The following GTF2F2 variants were observed in gnomAD, a reference collection of about 807,000 sequenced individuals.
GTF2F2 encodes the protein general transcription factor IIF subunit 2.
In GTF2F2, 23 loss-of-function variants were observed where a neutral mutation model predicts 42.2. The observed-to-expected ratio is 0.55, with a 90% CI of 0.39 to 0.77. The LOEUF is 0.77. GTF2F2 is among the 30% of genes least tolerant of loss of function. GTF2F2 has a pLI of 0.00. For missense variants in GTF2F2, 261 were observed against 287.2 expected (o/e 0.91, Z 0.66); for synonymous variants, 105 against 100.8 (o/e 1.04, Z -0.25).
At chr13:45,224,947 A>C (rs998357735) in intron 5 of GTF2F2, among the ~76,000 whole-genome samples, 2 of 152,228 alleles carry the variant, frequency 1.3e-5, no homozygotes, top group Non-Finnish European at 2.9e-5. Context: ...CTGTCCCTGC[A>C]GTGAATAAGA....
intron 4 of GTF2F2, among the ~76,000 whole-genome samples, chr13:45,182,322 T>C (rs1415959171): frequency 6.6e-6 from 1 of 152,010 alleles, no homozygotes; most frequent in African/African-American, 2.4e-5. Flanking sequence ...GGCTAACTTT[T>C]GTTACCTCAG....
In GTF2F2 at chr13:45,194,116, C is replaced by T. The variant is rs143597700; in HGVS notation, c.305-13308C>T. The T allele has an allele frequency of 5.0e-5, 80 of 1,613,874 alleles. No homozygotes were observed. The highest frequency in any genetic ancestry group is 6.1e-5 in the Non-Finnish European group (72 of 1,179,916). On this transcript the variant is annotated intron_variant, in intron 4 of 7. Transcript: ENST00000340473. ...ACAGAAGATTCTTAATCCTTGTGAACGATCGTGGTTATCTGTTATTTCCAA... is the reference window on the plus strand; with the variant it reads ...ACAGAAGATTCTTAATCCTTGTGAATGATCGTGGTTATCTGTTATTTCCAA...
At chr13:45,208,993 A>G (rs1174626266) in intron 5 of GTF2F2, among the ~76,000 whole-genome samples, 3 of 152,206 alleles carry the variant, frequency 2.0e-5, no homozygotes, top group African/African-American at 4.8e-5. Context: ...CTGGTTACCA[A>G]GCTGCTTACC....
At chr13:45,266,587 C>G (rs1876568998) in intron 6 of GTF2F2, among the ~76,000 whole-genome samples, 1 of 152,154 alleles carries the variant, frequency 6.6e-6, no homozygotes, top group South Asian at 2.1e-4. Flanking sequence ...AACAAAAGCA[C>G]TACACGTTAG....
intron 3 of GTF2F2, 88 bp from the exon 4 acceptor site, chr13:45,151,599 A>T: frequency 2.5e-6 from 2 of 795,224 alleles, no homozygotes; most frequent in Non-Finnish European, 3.9e-6. Flanking sequence ...AAACACATTT[A>T]AAAACAATTT....
At chr13:45,259,900 C>T (rs1473782321) in intron 6 of GTF2F2, among the ~76,000 whole-genome samples, 1 of 151,922 alleles carries the variant, frequency 6.6e-6, no homozygotes, top group Non-Finnish European at 1.5e-5. Flanking sequence ...AAACCTAGAA[C>T]TTTTAAAAAG....
At position 45,134,953 on chromosome 13, in the gene GTF2F2, C is replaced by CT. The variant is rs879506133; in HGVS notation, c.67-1763dup. ...GACTGGACTCTAGTATATTGTCTAA[C>CT]TTTTTTTTTTTTTTTTTGACACAAG... On this transcript the variant is annotated intron_variant, in intron 1 of 7. Transcript: ENST00000340473. Among the ~76,000 whole-genome samples, 875 of 142,784 alleles carry CT rather than the reference C, an allele frequency of 6.1e-3. 4 individuals are homozygous for CT. The highest frequency in any genetic ancestry group is 7.4e-3 in the South Asian group (33 of 4,434). The allele number at this position is 142,784 out of a possible 152,430, so 93.7% of individuals were successfully genotyped here. A position where few individuals can be genotyped will look rare whatever the true frequency, so the allele number is the denominator to read the frequency against.
intron 5 of GTF2F2, among the ~76,000 whole-genome samples, chr13:45,230,148 G>T (rs117751720): frequency 6.6e-6 from 1 of 151,926 alleles, no homozygotes; most frequent in Non-Finnish European, 1.5e-5. Context: ...CCCATGAGGC[G>T]GAGGTTACAG....
Position 45,139,348 on chromosome 13 carries a change from A to T in GTF2F2, c.140+2542A>T, listed in dbSNP as rs531935713. Among the ~76,000 whole-genome samples the T allele has an allele frequency of 1.4e-4, 21 of 152,360 alleles. 1 individual carries two copies. Among genetic ancestry groups the T allele is most frequent in the African/African-American group, 4.6e-4 (19 of 41,576 alleles). ...TAAGTAAAAATCAAAAAATGTATTT[A>T]CACACCTCTCTCTCTGTCCACGCTC... On this transcript the variant is annotated intron_variant, in intron 2 of 7. Transcript: ENST00000340473.
intron 4 of GTF2F2, among the ~76,000 whole-genome samples, chr13:45,189,412 G>A (rs889603361): frequency 2.6e-5 from 4 of 152,182 alleles, no homozygotes; most frequent in African/African-American, 7.2e-5. Flanking sequence ...CTCTGGGTAT[G>A]TACCCAGTAA....
chr13:45,136,019 C>T lies in GTF2F2; in HGVS notation c.67-714C>T, dbSNP rs1869600793. On this transcript the variant is annotated intron_variant, in intron 1 of 7. Transcript: ENST00000340473. The stretch of plus-strand genomic sequence containing the variant: ...TCTTATTGCATGTATCCAGTTACAA[C>T]ACAATATAGTGTATTGGTTAAGAAC... Among the ~76,000 whole-genome samples, 4 of 152,358 alleles carry T rather than the reference C, an allele frequency of 2.6e-5. No individual in the cohort carries two copies. In the East Asian group the frequency reaches 5.8e-4, roughly 22 times the overall value.
At chr13:45,215,204 G>A (rs1273120204) in intron 5 of GTF2F2, among the ~76,000 whole-genome samples, 1 of 152,168 alleles carries the variant, frequency 6.6e-6, no homozygotes, top group Non-Finnish European at 1.5e-5. Context: ...AGGATGCTAA[G>A]TTTAATGCAA....
chr13:45,218,722 C>A (rs745956544), intron 5 of GTF2F2, among the ~76,000 whole-genome samples: 7 of 152,186 alleles, frequency 4.6e-5, no homozygotes, highest in Non-Finnish European at 1.0e-4. Flanking sequence ...AAAAGGGTCT[C>A]ATTTAGGGAA....
In GTF2F2 at chr13:45,283,669, G is replaced by A. The variant is rs1877356874; in HGVS notation, c.*108G>A. Reference sequence around the variant, plus strand: ...GTATGTTAATAGGGGTTAAGTGACAGTACTTTGATTTCTCTCGGTAAATTT... The same window carrying A: ...GTATGTTAATAGGGGTTAAGTGACAATACTTTGATTTCTCTCGGTAAATTT... On this transcript the variant is annotated 3_prime_UTR_variant, in exon 8 of 8. Coordinates refer to ENST00000340473, the MANE Select transcript of GTF2F2 (RefSeq NM_004128.3). 1.2e-6 allele frequency: 1 copy of A among 852,772 alleles called. No homozygotes were observed. Among genetic ancestry groups the A allele is most frequent in the Non-Finnish European group, 1.6e-6 (1 of 608,362 alleles). The allele number at this position is 852,772 out of a possible 1,614,324, so 52.8% of individuals were successfully genotyped here. A position where few individuals can be genotyped will look rare whatever the true frequency, so the allele number is the denominator to read the frequency against.
In GTF2F2 at chr13:45,270,706, TC is replaced by T. The variant is rs571438526; in HGVS notation, c.630+3336del. Among the ~76,000 whole-genome samples, 411 of 152,222 alleles carry T rather than the reference TC, an allele frequency of 2.7e-3. 1 individual carries two copies. Among genetic ancestry groups the T allele is most frequent in the African/African-American group, 9.3e-3 (385 of 41,522 alleles). ...TTATATGGTTTAACTTCTGGATTTT[TC>T]CCCCCTCAAAAATAGAAAATTACAG... On this transcript the variant is annotated intron_variant, in intron 7 of 7. Transcript: ENST00000340473.
rs1411748687 is a variant in GTF2F2 at position 45,131,141 on chromosome 13, G to A, written c.67-5592G>A. On this transcript the variant is annotated intron_variant, in intron 1 of 7. Coordinates refer to ENST00000340473, the MANE Select transcript of GTF2F2 (RefSeq NM_004128.3). ...GAGAATCGCTTGAACCCGGAAGGCA[G>A]AGGTTGTGGTGAGCCGAGATCGCGC... 3.9e-5 allele frequency among the ~76,000 whole-genome samples: 6 copies of A among 152,046 alleles called. No homozygotes were observed. In the East Asian group the frequency reaches 1.2e-3, roughly 29 times the overall value.
intron 1 of GTF2F2, 100 bp downstream of exon 1, chr13:45,120,821 C>T: frequency 1.2e-6 from 1 of 808,212 alleles, no homozygotes; most frequent in Non-Finnish European, 2.1e-6. Flanking sequence ...AGTTCTTTTA[C>T]GGCTATCTCG....
At chr13:45,254,395 G>T (rs189386200) in intron 6 of GTF2F2, among the ~76,000 whole-genome samples, 148 of 152,278 alleles carry the variant, frequency 9.7e-4, no homozygotes, top group African/African-American at 3.4e-3. Flanking sequence ...TATATTTCAA[G>T]ACTTTTTTAT....
chr13:45,142,529 A>AG (rs948185214), intron 2 of GTF2F2, among the ~76,000 whole-genome samples: 5 of 152,228 alleles, frequency 3.3e-5, no homozygotes, highest in African/African-American at 1.2e-4. Flanking sequence ...GAGACAAATA[A>AG]GGAGCAAATT....
Sources: gnomAD v4.1 joint callset for allele counts (sites outside exome capture counted in the v4.1 genomes callset) on GRCh38, gnomAD v4.1.1 for gene constraint, MANE v1.5 for transcripts, NCBI Gene and HGNC (gene_info 2026-07-23, HGNC 2026-07-21) for gene names.